The following AGAP3 variants were observed in gnomAD, a reference collection of about 807,000 sequenced individuals.
AGAP3 encodes the protein arf-GAP with GTPase, ANK repeat and PH domain-containing protein 3.
In AGAP3, 24 loss-of-function variants were observed where a neutral mutation model predicts 96.9. The observed-to-expected ratio is 0.25, with a 90% CI of 0.18 to 0.35. AGAP3 has a LOEUF of 0.35. AGAP3 is among the 10% of genes least tolerant of loss of function. The probability of loss-of-function intolerance (pLI) is 1.00; values close to 1 mark genes in which losing one functional copy is unlikely to be tolerated. For missense variants in AGAP3, 876 were observed against 1,254.2 expected (o/e 0.70, Z 4.55); for synonymous variants, 563 against 536.1 (o/e 1.05, Z -0.69).
chr7:151,129,035 G>C (rs1800296788), intron 10 of AGAP3, among the ~76,000 whole-genome samples: 1 of 151,940 alleles, frequency 6.6e-6, no homozygotes, highest in Non-Finnish European at 1.5e-5. Flanking sequence ...TCTGGGCCTG[G>C]GATGGTGGAG....
intron 1 of AGAP3, among the ~76,000 whole-genome samples, chr7:151,103,068 C>T (rs115747280): frequency 1.3e-5 from 2 of 152,250 alleles, no homozygotes; most frequent in African/African-American, 4.8e-5. Context: ...AAAACACACA[C>T]AAGAAAGAAT....
chr7:151,111,208 C>T (rs117023965), intron 1 of AGAP3, among the ~76,000 whole-genome samples: 2,530 of 152,302 alleles, frequency 0.017, 29 homozygotes, highest in Non-Finnish European at 0.025. Context: ...GCCTCAGCCC[C>T]GGCTGCAGGA....
chr7:151,120,522 A>G (rs902607823), intron 8 of AGAP3: 51 of 808,344 alleles, frequency 6.3e-5, no homozygotes, highest in Non-Finnish European at 8.9e-5. Flanking sequence ...TTCAACAGCT[A>G]ATGAACCGGC....
chr7:151,130,958 C>T (rs1334819354), intron 10 of AGAP3: 1 of 152,488 alleles, frequency 6.6e-6, no homozygotes, highest in South Asian at 2.1e-4. Flanking sequence ...GCAGCCGCTT[C>T]TCTCTGGGGC....
chr7:151,100,978 C>T (rs1376446706), intron 1 of AGAP3, among the ~76,000 whole-genome samples: 1 of 152,254 alleles, frequency 6.6e-6, no homozygotes, highest in African/African-American at 2.4e-5. Context: ...GTCCCACCTG[C>T]AGCCCCCCAT....
In AGAP3 at chr7:151,138,238, C is replaced by CGCTCCTGCTCCGTTTCCA; in HGVS notation, c.1594_1611dup (p.Ser532_Ser537dup). 6.2e-7 allele frequency: 1 copy of CGCTCCTGCTCCGTTTCCA among 1,612,648 alleles called. No individual in the cohort carries two copies. Among genetic ancestry groups the CGCTCCTGCTCCGTTTCCA allele is most frequent in the South Asian group, 1.1e-5 (1 of 90,990 alleles). ...CCCGCGCCCTGAGGGGCTGCACCAG[C>CGCTCCTGCTCCGTTTCCA]GCTCCTGCTCCGTTTCCAGCGCCGA... On this transcript the variant is annotated inframe_insertion, in exon 12 of 18. Coordinates refer to ENST00000397238, the MANE Select transcript of AGAP3 (RefSeq NM_031946.7).
intron 8 of AGAP3, chr7:151,120,609 C>A (rs1228048387): frequency 7.7e-7 from 1 of 1,293,614 alleles, no homozygotes; most frequent in African/African-American, 1.5e-5. Context: ...GCCTCCCCGT[C>A]GCCTTCCGGC....
chr7:151,120,457 T>C (rs919892940), intron 8 of AGAP3: 4 of 662,996 alleles, frequency 6.0e-6, no homozygotes, highest in Non-Finnish European at 1.1e-5. Context: ...AGGGTGTCTG[T>C]GAGCTTGAAA....
At chr7:151,104,911 C>T (rs1202645593) in intron 1 of AGAP3, among the ~76,000 whole-genome samples, 2 of 152,168 alleles carry the variant, frequency 1.3e-5, no homozygotes, top group Non-Finnish European at 2.9e-5. Context: ...GCCAGGCCAC[C>T]GGAGCAAGCT....
At chr7:151,104,419 G>A (rs1206984089) in intron 1 of AGAP3, among the ~76,000 whole-genome samples, 6 of 152,176 alleles carry the variant, frequency 3.9e-5, no homozygotes, top group South Asian at 2.1e-4. Context: ...CCCGCTATAC[G>A]AAGAGCTCCT....
At chr7:151,117,832 G>A in intron 5 of AGAP3, 55 bp downstream of exon 5, 2 of 1,557,596 alleles carry the variant, frequency 1.3e-6, no homozygotes, top group Non-Finnish European at 8.7e-7. Context: ...GGGCAACGAT[G>A]CATGGGGGCA....
rs1800728274 is a variant in AGAP3, at chr7:151,139,244, TCTGAGCTGCCATGG to T, written c.1667-733_1667-720del. On this transcript the variant is annotated intron_variant, in intron 12 of 17. Coordinates refer to ENST00000397238, the MANE Select transcript of AGAP3 (RefSeq NM_031946.7). This position sits in a 1 kb window ranked among gnomAD's most constrained non-coding sequence, Gnocchi z 4.9. ...CCAGTAGGAGCCCTGAGGCCCAGCC[TCTGAGCTGCCATGG>T]CCTCAGGAGCACGGGCTGAGGGAGG... Among the ~76,000 whole-genome samples the T allele has an allele frequency of 6.6e-6, 1 of 152,186 alleles. No homozygotes were observed. The highest frequency in any genetic ancestry group is 6.5e-5 in the Admixed American group (1 of 15,280).
chr7:151,113,835 G>A (rs1585066214), intron 1 of AGAP3, among the ~76,000 whole-genome samples: 1 of 152,188 alleles, frequency 6.6e-6, no homozygotes, highest in Admixed American at 6.5e-5. Flanking sequence ...TGTCCAGGCA[G>A]CCCACAGTCA....
rs766244980 is a variant in AGAP3 at position 151,087,145 on chromosome 7, C to G, written c.331+73C>G. 7 of 1,471,950 alleles carry G rather than the reference C, an allele frequency of 4.8e-6. No individual in the cohort carries two copies. The South Asian group carries it at 6.1e-5, about 13-fold the overall frequency. The allele number at this position is 1,471,950 out of a possible 1,614,324, so 91.2% of individuals were successfully genotyped here. A position where few individuals can be genotyped will look rare whatever the true frequency, so the allele number is the denominator to read the frequency against. ...GGCGCCGGCCGAGGGCTCCACAGGCCGTGCCTGGCCATGCTCTCCCTGTCG... is the reference window on the plus strand; with the variant it reads ...GGCGCCGGCCGAGGGCTCCACAGGCGGTGCCTGGCCATGCTCTCCCTGTCG... On this transcript the variant is annotated intron_variant, in intron 1 of 17. Transcript: ENST00000397238.
chr7:151,115,403 G>GCC, intron 1 of AGAP3: 1 of 1,012,512 alleles, frequency 9.9e-7, no homozygotes, highest in Non-Finnish European at 1.2e-6. Flanking sequence ...TGGCCCGGCC[G>GCC]CCGCGCGCGC....
At chr7:151,120,253 G>A (rs1399967587) in intron 8 of AGAP3, 108 bp downstream of exon 8, 14 of 1,173,932 alleles carry the variant, frequency 1.2e-5, no homozygotes, top group African/African-American at 3.1e-5. Context: ...TCAGGAAGAC[G>A]GTACCTGCAG....
intron 1 of AGAP3, among the ~76,000 whole-genome samples, chr7:151,092,447 C>T (rs1784511139): frequency 6.6e-6 from 1 of 152,154 alleles, no homozygotes; most frequent in African/African-American, 2.4e-5. Flanking sequence ...TGACTTAAAC[C>T]ATTGCAGGCC....
At chr7:151,109,176 AAAAAC>A (rs1414796998) in intron 1 of AGAP3, among the ~76,000 whole-genome samples, 38 of 148,316 alleles carry the variant, frequency 2.6e-4, no homozygotes, top group Admixed American at 8.6e-4. Flanking sequence ...AAAAAAAAAA[AAAAAC>A]AAAAAACAAA....
chr7:151,120,057 A>G lies in AGAP3; in HGVS notation c.1040A>G (p.Gln347Arg). The part of the protein sequence containing the change: ...SSVPSTPSIS[Q>R]RELRIETIAA... ...GTCCCCTCCACCCCCAGCATCAGCCAGCGGGAGCTGCGCATCGAGACCATC... is the reference window on the plus strand; with the variant it reads ...GTCCCCTCCACCCCCAGCATCAGCCGGCGGGAGCTGCGCATCGAGACCATC... The change falls in exon 8 of 18, where the codon CAG (glutamine) becomes CGG (arginine). Residue 347 changes from glutamine to arginine, a missense_variant. Gln to Arg is a conservative substitution (Grantham distance 43). Transcript: ENST00000397238. 1 of 1,613,718 alleles carries G rather than the reference A, an allele frequency of 6.2e-7. No homozygotes were observed. The highest frequency in any genetic ancestry group is 8.5e-7 in the Non-Finnish European group (1 of 1,179,854).
Sources: allele counts gnomAD v4.1 joint callset (sites outside exome capture counted in the v4.1 genomes callset), GRCh38; gene constraint gnomAD v4.1.1; non-coding constraint Gnocchi (gnomAD v3.1); transcripts MANE v1.5; gene names NCBI Gene and HGNC (gene_info 2026-07-23, HGNC 2026-07-21).